Variants in RIMBP2 observed in about 807,000 individuals in gnomAD.
The protein encoded by RIMBP2 is RIMS binding protein 2.
A neutral mutation model predicts 118.6 loss-of-function variants in RIMBP2; 48 were observed. That is an observed-to-expected ratio of 0.40 (90% confidence interval 0.32 to 0.51). The LOEUF (loss-of-function observed/expected upper bound fraction) is 0.51, where lower values mean the gene tolerates loss of function less well. Among genes scored for constraint, RIMBP2 ranks in the 20% least tolerant of loss-of-function variants. The pLI is 0.41. For missense variants in RIMBP2, 1,551 were observed against 1,768.3 expected (o/e 0.88, Z 2.20); for synonymous variants, 762 against 742.9 (o/e 1.03, Z -0.42).
At chr12:130,588,581 C>T (rs937975063) in intron 2 of RIMBP2, among the ~76,000 whole-genome samples, 2 of 152,152 alleles carry the variant, frequency 1.3e-5, no homozygotes, top group Admixed American at 1.3e-4. Context: ...AGGTAGTGGA[C>T]GTGTATCAGC....
chr12:130,497,543 T>C (rs1405414802), intron 4 of RIMBP2, among the ~76,000 whole-genome samples: 2 of 152,242 alleles, frequency 1.3e-5, no homozygotes, highest in Non-Finnish European at 2.9e-5. Context: ...AGATGCGTTC[T>C]GGCCGTGGCT....
intron 1 of RIMBP2, among the ~76,000 whole-genome samples, chr12:130,712,436 C>T (rs1419757178): frequency 6.6e-6 from 1 of 152,114 alleles, no homozygotes; most frequent in Non-Finnish European, 1.5e-5. Flanking sequence ...AAAGCTAAGA[C>T]ATAAACACAC....
At chr12:130,605,240 TG>T (rs2060115758) in intron 2 of RIMBP2, among the ~76,000 whole-genome samples, 1 of 152,014 alleles carries the variant, frequency 6.6e-6, no homozygotes, top group Middle Eastern at 3.4e-3. Flanking sequence ...GAGTGGAGGG[TG>T]GGTAGGTGTT....
rs142978707 is a variant in RIMBP2, at chr12:130,528,938, C to A, written c.-216-11021G>T. ...TCAACAGACTCACTACATTACCCAG[C>A]AATTCACTCCCAGGCTTATGCCCAG... is the stretch of plus-strand genomic sequence containing the variant. On this transcript the variant is annotated intron_variant, in intron 2 of 22. Transcript: ENST00000690449. Among the ~76,000 whole-genome samples, 17 of 152,334 alleles carry A rather than the reference C, an allele frequency of 1.1e-4. No individual in the cohort carries two copies. In the East Asian group the frequency reaches 2.7e-3, roughly 24 times the overall value.
At chr12:130,538,970 G>A (rs1458888653) in intron 2 of RIMBP2, among the ~76,000 whole-genome samples, 1 of 152,188 alleles carries the variant, frequency 6.6e-6, no homozygotes, top group Non-Finnish European at 1.5e-5. Context: ...TGGTAAAACT[G>A]CAGGGCATGT....
chr12:130,487,121 C>T (rs922310100), intron 4 of RIMBP2, among the ~76,000 whole-genome samples: 2 of 152,258 alleles, frequency 1.3e-5, no homozygotes, highest in East Asian at 1.9e-4. Context: ...TGGCTTCGCT[C>T]AGTTCCATGA....
intron 2 of RIMBP2, among the ~76,000 whole-genome samples, chr12:130,521,535 G>A (rs933495074): frequency 1.3e-5 from 2 of 152,222 alleles, no homozygotes; most frequent in African/African-American, 4.8e-5. Context: ...CGCACGCGTG[G>A]TCCCACACCA....
chr12:130,645,716 C>A (rs1012168951), intron 1 of RIMBP2, among the ~76,000 whole-genome samples: 1 of 152,220 alleles, frequency 6.6e-6, no homozygotes, highest in Non-Finnish European at 1.5e-5. Flanking sequence ...GACATTAAGT[C>A]TCTGGATCAA....
At chr12:130,436,774 G>A (rs1246029724) in intron 13 of RIMBP2, 68 bp downstream of exon 13, 18 of 1,260,886 alleles carry the variant, frequency 1.4e-5, no homozygotes, top group Non-Finnish European at 1.8e-5. Flanking sequence ...GGGCTGGGGA[G>A]ATTACAGGGC....
chr12:130,625,015 G>T (rs1175416076), intron 2 of RIMBP2, among the ~76,000 whole-genome samples: 1 of 152,164 alleles, frequency 6.6e-6, no homozygotes, highest in African/African-American at 2.4e-5. Flanking sequence ...GAGCCACCAC[G>T]CCAGCCGACC....
rs1489615131 is a variant in RIMBP2 at position 130,620,371 on chromosome 12, C to T, written c.-217+7951G>A. ...GAGGCTCCCAATCCCTGATGCTTCG[C>T]TGGCCCTCGCCATTGGTCCTTCTAG... On this transcript the variant is annotated intron_variant, in intron 2 of 22. Transcript: ENST00000690449. This position sits in a 1 kb window ranked among gnomAD's most constrained non-coding sequence, Gnocchi z 5.3. 2.6e-5 allele frequency among the ~76,000 whole-genome samples: 4 copies of T among 152,224 alleles called. No individual in the cohort carries two copies. Among genetic ancestry groups the T allele is most frequent in the African/African-American group, 9.6e-5 (4 of 41,462 alleles).
chr12:130,648,040 C>CATGTGAACACACGTGTGCACACA (rs1293962289), intron 1 of RIMBP2, among the ~76,000 whole-genome samples: 6 of 145,832 alleles, frequency 4.1e-5, no homozygotes, highest in South Asian at 2.1e-4. Context: ...TGTGTACACA[C>CATGTGAACACACGTGTGCACACA]CCGCCTCACG....
At chr12:130,597,658 C>T (rs1486247886) in intron 2 of RIMBP2, among the ~76,000 whole-genome samples, 3 of 152,194 alleles carry the variant, frequency 2.0e-5, no homozygotes, top group East Asian at 3.8e-4. Context: ...TCTAACTAGA[C>T]GTGCACACGA....
chr12:130,706,846 G>A (rs897503055), intron 1 of RIMBP2, among the ~76,000 whole-genome samples: 3 of 152,140 alleles, frequency 2.0e-5, no homozygotes, highest in Admixed American at 6.5e-5. Context: ...TTCGGCAGCC[G>A]CCAGTGGTCC....
At chr12:130,459,754 C>T (rs982256056) in intron 6 of RIMBP2, among the ~76,000 whole-genome samples, 2 of 151,972 alleles carry the variant, frequency 1.3e-5, no homozygotes, top group Admixed American at 1.3e-4. Context: ...TCACATGGTT[C>T]CATGGGACTC....
In RIMBP2 at chr12:130,623,416, C is replaced by T. The variant is rs2061438360; in HGVS notation, c.-217+4906G>A. ...CTAATGCTCCCCCTCCCCTTGCCCC[C>T]ACCCCCTGAAGTAGAGGCACATTTG... On this transcript the variant is annotated intron_variant, in intron 2 of 22. Transcript: ENST00000690449. This position sits in a 1 kb window ranked among gnomAD's most constrained non-coding sequence, Gnocchi z 4.1. 6.6e-6 allele frequency among the ~76,000 whole-genome samples: 1 copy of T among 152,088 alleles called. No individual in the cohort carries two copies. Among genetic ancestry groups the T allele is most frequent in the African/African-American group, 2.4e-5 (1 of 41,408 alleles).
intron 1 of RIMBP2, among the ~76,000 whole-genome samples, chr12:130,656,974 T>A (rs1475198059): frequency 1.3e-5 from 2 of 152,254 alleles, no homozygotes; most frequent in African/African-American, 4.8e-5. Flanking sequence ...CATAGCTCAC[T>A]GCATTGAACT....
At position 130,617,520 on chromosome 12, in the gene RIMBP2, T is replaced by C. The variant is rs1251087446; in HGVS notation, c.-217+10802A>G. On this transcript the variant is annotated intron_variant, in intron 2 of 22. Transcript: ENST00000690449. The surrounding 1 kb of genome is among the most constrained non-coding windows in gnomAD (Gnocchi z 4.6). ...CTCCAGGCAGAAACGACAAGCAGGT[T>C]TCAGCTGACACCAGCTTTAGATACT... is the stretch of plus-strand genomic sequence containing the variant. Among the ~76,000 whole-genome samples, 1 of 152,224 alleles carries C rather than the reference T, an allele frequency of 6.6e-6. No individual in the cohort carries two copies. Among genetic ancestry groups the C allele is most frequent in the Non-Finnish European group, 1.5e-5 (1 of 68,044 alleles).
intron 1 of RIMBP2, among the ~76,000 whole-genome samples, chr12:130,676,216 A>G (rs1178444030): frequency 6.6e-6 from 1 of 151,868 alleles, no homozygotes. Flanking sequence ...TGGGACACAC[A>G]TGTGTTCACA....
Sources: allele counts gnomAD v4.1 joint callset (sites outside exome capture counted in the v4.1 genomes callset), GRCh38; gene constraint gnomAD v4.1.1; non-coding constraint Gnocchi (gnomAD v3.1); transcripts MANE v1.5; gene names NCBI Gene and HGNC (gene_info 2026-07-23, HGNC 2026-07-21).